Variants in IQSEC1 observed in about 807,000 individuals in gnomAD.
IQSEC1 encodes the protein IQ motif and SEC7 domain-containing protein 1.
Under a neutral mutation model 91.0 loss-of-function variants are expected in IQSEC1, and 31 were observed. That is an observed-to-expected ratio of 0.34 (90% CI 0.26 to 0.46). The LOEUF (loss-of-function observed/expected upper bound fraction) is 0.46, where lower values mean the gene tolerates loss of function less well. Among genes scored for constraint, IQSEC1 ranks in the 20% least tolerant of loss-of-function variants. The probability of loss-of-function intolerance (pLI) is 1.00; values close to 1 mark genes in which losing one functional copy is unlikely to be tolerated. For missense variants in IQSEC1, 1,388 were observed against 1,575.6 expected (o/e 0.88, Z 2.02); for synonymous variants, 699 against 662.6 (o/e 1.05, Z -0.84).
intron 1 of IQSEC1, among the ~76,000 whole-genome samples, chr3:13,012,913 G>A (rs1323231246): frequency 6.6e-6 from 1 of 150,650 alleles, no homozygotes; most frequent in African/African-American, 2.5e-5. Flanking sequence ...ACACACCCAA[G>A]GTCACATAGC....
At chr3:12,963,982 G>A (rs1576060380) in intron 1 of IQSEC1, among the ~76,000 whole-genome samples, 1 of 152,322 alleles carries the variant, frequency 6.6e-6, no homozygotes, top group Middle Eastern at 3.4e-3. Context: ...GGCTATGTCC[G>A]CCATGAGGCC....
intron 1 of IQSEC1, among the ~76,000 whole-genome samples, chr3:12,985,620 C>T (rs1701692423): frequency 6.6e-6 from 1 of 152,138 alleles, no homozygotes; most frequent in South Asian, 2.1e-4. Context: ...AGCCTGGGTT[C>T]CCCAGGCCAG....
At chr3:13,215,601 C>T (rs1024183925) in intron 1 of IQSEC1, among the ~76,000 whole-genome samples, 1 of 152,174 alleles carries the variant, frequency 6.6e-6, no homozygotes, top group Non-Finnish European at 1.5e-5. Flanking sequence ...GGCAAAGTTG[C>T]ACAGATAATA....
intron 1 of IQSEC1, among the ~76,000 whole-genome samples, chr3:13,228,783 A>G (rs1694798460): frequency 6.6e-6 from 1 of 152,090 alleles, no homozygotes; most frequent in Non-Finnish European, 1.5e-5. Context: ...GCCTTTGCAC[A>G]TGCTGTTCCT....
At chr3:13,039,447 T>C (rs1027534778) in intron 1 of IQSEC1, among the ~76,000 whole-genome samples, 7 of 152,218 alleles carry the variant, frequency 4.6e-5, no homozygotes, top group African/African-American at 1.7e-4. Flanking sequence ...TTTCATACTC[T>C]TAAGTTTGGG....
chr3:13,108,546 T>C (rs1468208092), intron 2 of IQSEC1, among the ~76,000 whole-genome samples: 1 of 152,088 alleles, frequency 6.6e-6, no homozygotes, highest in Non-Finnish European at 1.5e-5. Flanking sequence ...ATGTTTCCTC[T>C]TGCCAAGATT....
At chr3:12,968,441 T>G (rs1700742766) in intron 1 of IQSEC1, among the ~76,000 whole-genome samples, 2 of 152,132 alleles carry the variant, frequency 1.3e-5, no homozygotes, top group Admixed American at 6.5e-5. Flanking sequence ...TTAGAGTTCT[T>G]TAGTGATAGT....
chr3:13,155,675 C>T (rs2124969999), intron 2 of IQSEC1, among the ~76,000 whole-genome samples: 1 of 152,210 alleles, frequency 6.6e-6, no homozygotes, highest in African/African-American at 2.4e-5. Context: ...TACAAGAAAA[C>T]AACACACTAA....
chr3:13,128,598 G>A (rs1225467555), intron 2 of IQSEC1, among the ~76,000 whole-genome samples: 6 of 152,148 alleles, frequency 3.9e-5, no homozygotes, highest in South Asian at 2.1e-4. Flanking sequence ...GGGCACAGTG[G>A]CTCACGCCTG....
Position 12,899,290 on chromosome 3 carries a change from ACGCGGCCC to A in IQSEC1, c.*1685_*1692del, listed in dbSNP as rs1355852046. 10 of 1,330,012 alleles carry A rather than the reference ACGCGGCCC, an allele frequency of 7.5e-6. No homozygotes were observed. The South Asian group carries it at 7.5e-5, about 10-fold the overall frequency. The allele number at this position is 1,330,012 out of a possible 1,614,324, so 82.4% of individuals were successfully genotyped here. A position where few individuals can be genotyped will look rare whatever the true frequency, so the allele number is the denominator to read the frequency against. On this transcript the variant is annotated 3_prime_UTR_variant, in exon 14 of 14. Transcript: ENST00000613206. ...CGGCTCACCACGCTGTCCACTGGGA[ACGCGGCCC>A]CGCGGCCCGCAGAGTCAGGCGTGAG...
chr3:13,092,292 T>C (rs1705876660), intron 2 of IQSEC1, among the ~76,000 whole-genome samples: 1 of 152,132 alleles, frequency 6.6e-6, no homozygotes, highest in African/African-American at 2.4e-5. Flanking sequence ...CTGGGGTTAG[T>C]ACAGCTCAAA....
intron 1 of IQSEC1, among the ~76,000 whole-genome samples, chr3:13,241,278 G>A (rs928565064): frequency 5.9e-5 from 9 of 152,228 alleles, no homozygotes; most frequent in African/African-American, 2.2e-4. Context: ...GACACAAGCA[G>A]GCGAAAGCAG....
At chr3:13,154,868 CAAT>C (rs1707061356) in intron 2 of IQSEC1, among the ~76,000 whole-genome samples, 5 of 68,676 alleles carry the variant, frequency 7.3e-5, no homozygotes, top group African/African-American at 3.6e-4. Flanking sequence ...TCTTAAAGAC[CAAT>C]AGGTCAAAAG....
intron 1 of IQSEC1, among the ~76,000 whole-genome samples, chr3:12,995,834 G>A (rs1368537901): frequency 1.3e-5 from 2 of 152,330 alleles, no homozygotes; most frequent in African/African-American, 4.8e-5. Context: ...TGAAATGTGA[G>A]TCCCATCCCC....
intron 1 of IQSEC1, among the ~76,000 whole-genome samples, chr3:13,220,073 C>T (rs561548138): frequency 1.3e-5 from 2 of 152,362 alleles, no homozygotes; most frequent in Non-Finnish European, 2.9e-5. Flanking sequence ...GTCACAGGCT[C>T]CTGCTGGGAC....
intron 2 of IQSEC1, among the ~76,000 whole-genome samples, chr3:13,139,793 C>G (rs1291065071): frequency 6.6e-6 from 1 of 152,184 alleles, no homozygotes; most frequent in East Asian, 1.9e-4. Context: ...GGAAACAAAG[C>G]CCCAGCATCT....
At chr3:13,051,592 A>G (rs549348072) in intron 1 of IQSEC1, among the ~76,000 whole-genome samples, 1 of 152,308 alleles carries the variant, frequency 6.6e-6, no homozygotes, top group African/African-American at 2.4e-5. Flanking sequence ...ACTTTTCTGT[A>G]CATATATAAT....
intron 13 of IQSEC1, among the ~76,000 whole-genome samples, chr3:12,901,796 C>G (rs1349216300): frequency 1.3e-5 from 2 of 152,174 alleles, no homozygotes; most frequent in Non-Finnish European, 2.9e-5. Context: ...AGTAGGACTT[C>G]TGGTCTCATT....
chr3:13,146,658 G>C (rs1235060917), intron 2 of IQSEC1, among the ~76,000 whole-genome samples: 1 of 152,200 alleles, frequency 6.6e-6, no homozygotes, highest in Non-Finnish European at 1.5e-5. Flanking sequence ...TGGCCAATAT[G>C]GCGAAGCTCC....
Sources: gnomAD v4.1 joint callset for allele counts (sites outside exome capture counted in the v4.1 genomes callset) on GRCh38, gnomAD v4.1.1 for gene constraint, MANE v1.5 for transcripts, NCBI Gene and HGNC (gene_info 2026-07-23, HGNC 2026-07-21) for gene names.